The following LGR4 variants were observed in gnomAD, a reference collection of about 807,000 sequenced individuals.
LGR4 encodes leucine-rich repeat-containing G protein-coupled receptor 4.
LGR4 carries 44 observed loss-of-function variants against 84.8 expected under a neutral mutation model. The observed-to-expected ratio is 0.52, with a 90% CI of 0.41 to 0.67. The LOEUF (loss-of-function observed/expected upper bound fraction) is 0.67, where lower values mean the gene tolerates loss of function less well. LGR4 is among the 30% of genes least tolerant of loss of function. The probability of loss-of-function intolerance (pLI) is 0.00; values close to 1 mark genes in which losing one functional copy is unlikely to be tolerated. For missense variants in LGR4, 1,032 were observed against 1,131.4 expected (o/e 0.91, Z 1.26); for synonymous variants, 429 against 434.3 (o/e 0.99, Z 0.15).
At chr11:27,393,185 G>A (rs1863318209) in intron 2 of LGR4, among the ~76,000 whole-genome samples, 1 of 152,130 alleles carries the variant, frequency 6.6e-6, no homozygotes, top group Non-Finnish European at 1.5e-5. Context: ...TTCATACTGA[G>A]CCCTACTTTT....
intron 1 of LGR4, among the ~76,000 whole-genome samples, chr11:27,438,417 G>A (rs1864247896): frequency 6.6e-6 from 1 of 152,182 alleles, no homozygotes. Flanking sequence ...TTGGCAGGCA[G>A]AAGCTGGGAG....
chr11:27,447,972 T>C (rs1383386148), intron 1 of LGR4, among the ~76,000 whole-genome samples: 4 of 152,260 alleles, frequency 2.6e-5, no homozygotes, highest in Non-Finnish European at 5.9e-5. Flanking sequence ...TTCTCACTAA[T>C]GCTCCATGTT....
intron 15 of LGR4, among the ~76,000 whole-genome samples, 197 bp from the exon 16 acceptor site, chr11:27,372,595 G>A (rs1350256772): frequency 6.6e-6 from 1 of 152,130 alleles, no homozygotes; most frequent in Non-Finnish European, 1.5e-5. Flanking sequence ...AGATGACAAC[G>A]AGACTTTCTC....
intron 10 of LGR4, 28 bp downstream of exon 10, chr11:27,380,243 C>T: frequency 6.8e-7 from 1 of 1,467,020 alleles, no homozygotes; most frequent in Non-Finnish European, 9.5e-7. Context: ...TATCTTTATA[C>T]AACCCCTCTT....
At chr11:27,389,945 A>AT (rs1863251614) in intron 4 of LGR4, among the ~76,000 whole-genome samples, 1 of 152,184 alleles carries the variant, frequency 6.6e-6, no homozygotes, top group African/African-American at 2.4e-5. Flanking sequence ...AAGCTACTTA[A>AT]TACAACCACC....
intron 17 of LGR4, among the ~76,000 whole-genome samples, chr11:27,369,664 T>A (rs549060128): frequency 1.3e-5 from 2 of 152,354 alleles, no homozygotes; most frequent in East Asian, 3.9e-4. Context: ...AGCAGGATGC[T>A]GGATATATAG....
At chr11:27,435,867 G>A (rs1395682695) in intron 1 of LGR4, among the ~76,000 whole-genome samples, 2 of 151,856 alleles carry the variant, frequency 1.3e-5, no homozygotes, top group African/African-American at 4.8e-5. Context: ...AATCCTAAGA[G>A]GTAGGTTCTA....
In LGR4 at chr11:27,368,714, A is replaced by C; in HGVS notation, c.2009T>G (p.Phe670Cys). The C allele has an allele frequency of 6.2e-7, 1 of 1,613,738 alleles. No individual in the cohort carries two copies. The highest frequency in any genetic ancestry group is 8.5e-7 in the Non-Finnish European group (1 of 1,179,880). Residue 670 changes from phenylalanine (F) to cysteine (C), a missense_variant, in exon 18 of 18, where the codon TTC (phenylalanine) becomes TGC (cysteine). By Grantham distance (205) the Phe-to-Cys change is radical. Transcript: ENST00000379214. Reference protein sequence around the residue: ...KQFRVAALLAFLGATVAGCFP... With the variant: ...KQFRVAALLACLGATVAGCFP... ...ACAGCCTGCTACTGTAGCACCTAGG[A>C]AAGCCAAAAGGGCAGCAACCCGGAA...
intron 13 of LGR4, 123 bp from the exon 14 acceptor site, chr11:27,374,169 A>G (rs1281969237): frequency 2.9e-6 from 2 of 696,094 alleles, no homozygotes; most frequent in African/African-American, 3.5e-5. Flanking sequence ...AAAGATCTTC[A>G]ATCTTGGCCA....
In LGR4 at chr11:27,384,468, G is replaced by A. The variant is rs1863151892; in HGVS notation, c.618-61C>T. 6.2e-6 allele frequency: 7 copies of A among 1,125,626 alleles called. No individual in the cohort carries two copies. In the South Asian group the frequency reaches 8.8e-5, roughly 14 times the overall value. 69.7% of individuals were successfully genotyped at this position (1,125,626 alleles called of 1,614,324 possible). A position where few individuals can be genotyped will look rare whatever the true frequency, so the allele number is the denominator to read the frequency against. On this transcript the variant is annotated intron_variant, in intron 5 of 17. Transcript: ENST00000379214. ...TCTCCCATTGGCAACTATTATCATT[G>A]TTTTATATGTCTGAGTTGGTGTGTA...
chr11:27,426,604 T>C (rs1864028832), intron 1 of LGR4, among the ~76,000 whole-genome samples: 1 of 152,188 alleles, frequency 6.6e-6, no homozygotes, highest in South Asian at 2.1e-4. Context: ...GAGATAACAA[T>C]TCTGACTTTA....
intron 1 of LGR4, among the ~76,000 whole-genome samples, chr11:27,468,548 T>G (rs1488621559): frequency 6.6e-6 from 1 of 152,170 alleles, no homozygotes; most frequent in South Asian, 2.1e-4. Context: ...CCTGGGATAT[T>G]TTTATGAGAG....
intron 1 of LGR4, 36 bp downstream of exon 1, chr11:27,472,082 C>CTCCCCCCCCACGCG: frequency 8.6e-7 from 1 of 1,159,208 alleles, no homozygotes; most frequent in Non-Finnish European, 1.1e-6. Context: ...GCCCCGTTTC[C>CTCCCCCCCCACGCG]TCCCCCCCCC....
chr11:27,436,077 A>T (rs1590392194), intron 1 of LGR4, among the ~76,000 whole-genome samples: 1 of 151,024 alleles, frequency 6.6e-6, no homozygotes, highest in Non-Finnish European at 1.5e-5. Context: ...ACGCCCGGCT[A>T]ATTTTTTGTA....
intron 1 of LGR4, among the ~76,000 whole-genome samples, chr11:27,437,628 T>C (rs1048199625): frequency 2.0e-5 from 3 of 151,920 alleles, no homozygotes; most frequent in Non-Finnish European, 4.4e-5. Context: ...AAAGTCTTTA[T>C]GGATTTTTAC....
At chr11:27,401,574 A>G (rs1332794478) in intron 2 of LGR4, among the ~76,000 whole-genome samples, 1 of 152,226 alleles carries the variant, frequency 6.6e-6, no homozygotes, top group Non-Finnish European at 1.5e-5. Context: ...TTTTTACTAC[A>G]GGCTAAGTAC....
At position 27,385,460 on chromosome 11, in the gene LGR4, T is replaced by C. The variant is rs1863170701; in HGVS notation, c.410A>G (p.Asp137Gly). 1 of 1,600,604 alleles carries C rather than the reference T, an allele frequency of 6.2e-7. No homozygotes were observed. The highest frequency in any genetic ancestry group is 2.3e-5 in the East Asian group (1 of 44,362). The change falls in exon 5 of 18, where the codon GAT becomes GGT. Residue 137 changes from aspartate to glycine, a missense_variant. Physicochemically the swap from Asp to Gly is moderately conservative, Grantham distance 94 (BLOSUM62 -1). Transcript: ENST00000379214. ...GGGGACTGAGGTAATATGGTTGGCA[T>C]CTAAACGCCTAACAGAAACAAAAAC... is the stretch of plus-strand genomic sequence containing the variant. ...GLSALQSLRL[D>G]ANHITSVPED...
intron 15 of LGR4, 91 bp from the exon 16 acceptor site, chr11:27,372,489 A>G: frequency 1.3e-6 from 1 of 773,726 alleles, no homozygotes; most frequent in South Asian, 1.5e-5. Flanking sequence ...TGAAAACCTC[A>G]GCCTAGGAGT....
At chr11:27,418,566 C>T (rs1009579199) in intron 1 of LGR4, among the ~76,000 whole-genome samples, 3 of 152,072 alleles carry the variant, frequency 2.0e-5, no homozygotes, top group African/African-American at 7.2e-5. Context: ...TTCTCTACAG[C>T]CTTGGAATCC....
Sources: allele counts gnomAD v4.1 joint callset (sites outside exome capture counted in the v4.1 genomes callset), GRCh38; gene constraint gnomAD v4.1.1; transcripts MANE v1.5; gene names NCBI Gene and HGNC (gene_info 2026-07-23, HGNC 2026-07-21).